ZZEF1: variants seen among roughly 807,000 people sequenced by gnomAD.
The protein encoded by ZZEF1 is zinc finger ZZ-type and EF-hand domain containing 1.
ZZEF1 carries 157 observed loss-of-function variants against 342.8 expected under a neutral mutation model. The observed-to-expected ratio is 0.46, with a 90% confidence interval of 0.40 to 0.52. The LOEUF is 0.52. Among genes scored for constraint, ZZEF1 ranks in the 20% least tolerant of loss-of-function variants. The pLI, the probability that ZZEF1 is intolerant of heterozygous loss-of-function variation, is 0.00. For synonymous variants in ZZEF1, 1,505 were observed against 1,429.1 expected, an observed-to-expected ratio of 1.05 and a Z score of -1.20; for missense variants, 3,480 against 3,725.6, an observed-to-expected ratio of 0.93 and a Z score of 1.72.
At chr17:4,013,761 T>C in intron 51 of ZZEF1, 147 bp from the exon 52 acceptor site, 1 of 1,021,660 alleles carries the variant, frequency 9.8e-7, no homozygotes, top group Non-Finnish European at 1.4e-6. Context: ...ATTTAAATTC[T>C]GGCTGAAATT....
At position 4,050,977 on chromosome 17, in the gene ZZEF1, C is replaced by T. The variant is rs79012370; in HGVS notation, c.5667G>A (p.Arg1889=). The T allele has an allele frequency of 2.1e-4, 332 of 1,614,194 alleles. No homozygotes were observed. In the East Asian group the frequency reaches 2.2e-3, roughly 11 times the overall value. ...AGTTATGGATATATGGCTGGATGAG[C>T]CTCTGCCGGTCACTGATCCGAATGG... ...MVTIRISDRQ[R]LIQPYIHNYS... Residue 1889 remains arginine, a synonymous_variant, in exon 36 of 55, where the codon AGG becomes AGA. Transcript: ENST00000381638.
At chr17:4,062,672 G>T in intron 30 of ZZEF1, 81 bp downstream of exon 30, 2 of 1,394,976 alleles carry the variant, frequency 1.4e-6, no homozygotes, top group Non-Finnish European at 1.9e-6. Flanking sequence ...AAATGATGCT[G>T]CTATTAATCA....
At chr17:4,018,941 T>C (rs1211091945) in intron 46 of ZZEF1, among the ~76,000 whole-genome samples, 1 of 142,494 alleles carries the variant, frequency 7.0e-6, no homozygotes, top group African/African-American at 3.1e-5. Flanking sequence ...GGTCCCTCTG[T>C]GGAGCAGAGC....
rs114011303 is a variant in ZZEF1 at position 4,063,533 on chromosome 17, C to T, written c.4719-616G>A. ...ACGTTCTTGAGATATACTTTATAAA[C>T]AGTATAATATATAAATCTTACATGA... On this transcript the variant is annotated intron_variant, in intron 29 of 54. Coordinates refer to ENST00000381638, the MANE Select transcript of ZZEF1 (RefSeq NM_015113.4). Among the ~76,000 whole-genome samples, 801 of 152,256 alleles carry T rather than the reference C, an allele frequency of 5.3e-3. 9 individuals carry two copies. Among genetic ancestry groups the T allele is most frequent in the African/African-American group, 0.018 (767 of 41,542 alleles).
intron 13 of ZZEF1, among the ~76,000 whole-genome samples, chr17:4,088,425 G>A (rs1459490508): frequency 6.6e-6 from 1 of 152,072 alleles, no homozygotes. Context: ...TTGAAGATGT[G>A]TCTGTAGGTC....
At chr17:4,037,962 G>T (rs922181392) in intron 39 of ZZEF1, among the ~76,000 whole-genome samples, 1 of 152,184 alleles carries the variant, frequency 6.6e-6, no homozygotes, top group Non-Finnish European at 1.5e-5. Context: ...GTAAGCATTA[G>T]ATGGCAGCAA....
chr17:4,013,451 G>A lies in ZZEF1; in HGVS notation c.8577C>T (p.His2859=). 1.2e-6 allele frequency: 2 copies of A among 1,606,772 alleles called. No individual in the cohort carries two copies. The highest frequency in any genetic ancestry group is 1.7e-6 in the Non-Finnish European group (2 of 1,175,536). ...CTGCCATCCGGGACACCGCTTACCT[G>A]TGGCCGCAGCATCGCACAATCCTCA... ...LLLRIVRCCG[H]SDLCDLALLK... is the part of the protein sequence containing the mutation. Residue 2859 remains histidine, a splice_region_variant and synonymous_variant, in exon 52 of 55, where the codon CAC becomes CAT. Coordinates refer to ENST00000381638, the MANE Select transcript of ZZEF1 (RefSeq NM_015113.4).
rs141392657 is a variant in ZZEF1 at position 4,034,223 on chromosome 17, C to T, written c.6376G>A (p.Ala2126Thr). Reference sequence around the variant, plus strand: ...TGGTAGGTTTCATTCAGGTGGCCTGCGTTTGAGATGACAACCTGAAACATG... The same window carrying T: ...TGGTAGGTTTCATTCAGGTGGCCTGTGTTTGAGATGACAACCTGAAACATG... ...PLMFQVVISN[A>T]GHLNETYHLT... The change falls in exon 40 of 55, where the codon GCA (alanine) becomes ACA (threonine). Residue 2126 changes from alanine (A) to threonine (T), a missense_variant. Around this residue, in one of 5 missense-constraint regions of ZZEF1, gnomAD observed 1,269 missense variants for 1,342.4 expected, o/e 0.95. Coordinates refer to ENST00000381638, the MANE Select transcript of ZZEF1 (RefSeq NM_015113.4). 1.4e-5 allele frequency: 23 copies of T among 1,614,148 alleles called. No individual in the cohort carries two copies. Among genetic ancestry groups the T allele is most frequent in the Non-Finnish European group, 1.8e-5 (21 of 1,180,028 alleles).
In ZZEF1 at chr17:4,017,642, T is replaced by C; in HGVS notation, c.7730A>G (p.Gln2577Arg). 1 of 1,614,190 alleles carries C rather than the reference T, an allele frequency of 6.2e-7. No homozygotes were observed. The highest frequency in any genetic ancestry group is 8.5e-7 in the Non-Finnish European group (1 of 1,180,046). The change falls in exon 48 of 55, where the codon CAG (glutamine) becomes CGG (arginine). Residue 2577 changes from glutamine (Q) to arginine (R), a missense_variant. Physicochemically the swap from Gln to Arg is conservative, Grantham distance 43 (BLOSUM62 1). This residue lies in a region of ZZEF1 where 1,269 missense variants were observed against 1,342.4 expected (regional missense o/e 0.95). Coordinates refer to ENST00000381638, the MANE Select transcript of ZZEF1 (RefSeq NM_015113.4). The surrounding 1 kb of genome is among the most constrained non-coding windows in gnomAD (Gnocchi z 5.1). ...GCTACGGCGCTGCTTGGCATAGCTC[T>C]GCTGCAGTTCGCTCTCTGTGCTGGA... ...LISSTESELQ[Q>R]SYAKQRRSKS...
rs75053188 is a variant in ZZEF1, at chr17:4,047,088, C to T, written c.6015+2620G>A. Among the ~76,000 whole-genome samples the T allele has an allele frequency of 6.2e-3, 949 of 152,136 alleles. 11 individuals carry two copies. Among genetic ancestry groups the T allele is most frequent in the African/African-American group, 0.022 (916 of 41,502 alleles). ...AAGAGGAAGAGCCAGAGGCAGGATA[C>T]CCTGGGCGCACCCGGCTGCTGGTGG... On this transcript the variant is annotated intron_variant, in intron 37 of 54. Coordinates refer to ENST00000381638, the MANE Select transcript of ZZEF1 (RefSeq NM_015113.4).
At chr17:4,076,577 A>G in intron 21 of ZZEF1, 60 bp downstream of exon 21, 1 of 1,569,294 alleles carries the variant, frequency 6.4e-7, no homozygotes, top group Non-Finnish European at 8.7e-7. Flanking sequence ...CACTTCACTA[A>G]GTGTGTCCCA....
At chr17:4,071,185 G>A (rs921386524) in intron 25 of ZZEF1, among the ~76,000 whole-genome samples, 1 of 152,230 alleles carries the variant, frequency 6.6e-6, no homozygotes. Context: ...ACCCAGTGCT[G>A]AGAATTCAAA....
At chr17:4,081,911 G>C (rs1045738989) in intron 17 of ZZEF1, among the ~76,000 whole-genome samples, 3 of 152,184 alleles carry the variant, frequency 2.0e-5, no homozygotes, top group African/African-American at 7.2e-5. Flanking sequence ...AGCCCTCTAA[G>C]TCTGGCATCC....
chr17:4,069,216 G>A lies in ZZEF1; in HGVS notation c.4075+1468C>T, dbSNP rs1022192579. Reference sequence around the variant, plus strand: ...ACCCACAGGCTTTTATCCCTCTACTGAAAATTCCTTCAAGTAAAAAGATTA... The same window carrying A: ...ACCCACAGGCTTTTATCCCTCTACTAAAAATTCCTTCAAGTAAAAAGATTA... On this transcript the variant is annotated intron_variant, in intron 26 of 54. Transcript: ENST00000381638. Among the ~76,000 whole-genome samples, 40 of 152,140 alleles carry A rather than the reference G, an allele frequency of 2.6e-4. 1 individual carries two copies. Among genetic ancestry groups the A allele is most frequent in the Non-Finnish European group, 1.5e-5 (1 of 68,040 alleles).
At chr17:4,099,890 C>T (rs1332528955) in intron 9 of ZZEF1, among the ~76,000 whole-genome samples, 1 of 148,152 alleles carries the variant, frequency 6.7e-6, no homozygotes, top group East Asian at 2.0e-4. Context: ...CCCTGCCCTC[C>T]ACTTGCCAAT....
chr17:4,011,077 G>A (rs189870473), intron 52 of ZZEF1, among the ~76,000 whole-genome samples: 90 of 151,138 alleles, frequency 6.0e-4, no homozygotes, highest in Middle Eastern at 3.4e-3. Flanking sequence ...GCAACAGAAT[G>A]AGACCCCACC....
At chr17:4,088,143 A>G (rs950043346) in intron 13 of ZZEF1, among the ~76,000 whole-genome samples, 3 of 152,182 alleles carry the variant, frequency 2.0e-5, no homozygotes, top group Non-Finnish European at 4.4e-5. Flanking sequence ...GGCTCCACCC[A>G]CTGAACTCCC....
Position 4,092,062 on chromosome 17 carries a change from G to A in ZZEF1, c.1914-1232C>T, listed in dbSNP as rs561590419. 5.7e-3 allele frequency among the ~76,000 whole-genome samples: 775 copies of A among 135,580 alleles called. 8 individuals carry two copies. The highest frequency in any genetic ancestry group is 0.02 in the African/African-American group (743 of 37,566). 88.9% of individuals were successfully genotyped at this position (135,580 alleles called of 152,430 possible). On this transcript the variant is annotated intron_variant, in intron 11 of 54. Coordinates refer to ENST00000381638, the MANE Select transcript of ZZEF1 (RefSeq NM_015113.4). Reference sequence around the variant, plus strand: ...CTGCACTCCAGCCTGGGCAACAAGAGCGAAACTCCACCTCAAAAAAAAAAA... The same window carrying A: ...CTGCACTCCAGCCTGGGCAACAAGAACGAAACTCCACCTCAAAAAAAAAAA...
At chr17:4,058,301 A>G in intron 31 of ZZEF1, 146 bp from the exon 32 acceptor site, 1 of 807,074 alleles carries the variant, frequency 1.2e-6, no homozygotes, top group Admixed American at 3.0e-5. Flanking sequence ...AATTCCTCAT[A>G]CTCCACACAA....
Sources: allele counts gnomAD v4.1 joint callset (sites outside exome capture counted in the v4.1 genomes callset), GRCh38; gene constraint gnomAD v4.1.1; regional missense constraint gnomAD v4.1.1; non-coding constraint Gnocchi (gnomAD v3.1); transcripts MANE v1.5; gene names NCBI Gene and HGNC (gene_info 2026-07-23, HGNC 2026-07-21).